The following ADCK1 variants were observed in gnomAD, a reference collection of about 807,000 sequenced individuals.
The protein encoded by ADCK1 is aarF domain-containing protein kinase 1.
A neutral mutation model predicts 52.3 loss-of-function variants in ADCK1; 41 were observed. The ratio of observed to expected loss-of-function variants is 0.78; its 90% confidence interval spans 0.61 to 1.02. ADCK1 has a LOEUF of 1.02. ADCK1 is among the 50% of genes least tolerant of loss of function. ADCK1 has a pLI of 0.00. For synonymous variants in ADCK1, 250 were observed against 274.6 expected, an observed-to-expected ratio of 0.91 and a Z score of 0.89; for missense variants, 658 against 679.5, an observed-to-expected ratio of 0.97 and a Z score of 0.35.
At position 77,853,592 on chromosome 14, in the gene ADCK1, C is replaced by T. The variant is rs750115694; in HGVS notation, c.220-5484C>T. 3.3e-5 allele frequency among the ~76,000 whole-genome samples: 5 copies of T among 152,206 alleles called. No individual in the cohort carries two copies. The South Asian group carries it at 6.2e-4, about 19-fold the overall frequency. On this transcript the variant is annotated intron_variant, in intron 3 of 10. Coordinates refer to ENST00000238561, the MANE Select transcript of ADCK1 (RefSeq NM_020421.4). ...GTTTTGGGATATATGCCATTACTGA[C>T]GCAAGGCCCTTCTGGGTGTTGCCAC...
At chr14:77,816,881 A>AAT (rs71128689) in intron 1 of ADCK1, among the ~76,000 whole-genome samples, 9,892 of 109,920 alleles carry the variant, frequency 0.09, 847 homozygotes, top group Middle Eastern at 0.15. Flanking sequence ...GTAGATGGTA[A>AAT]ATATATATAT....
intron 4 of ADCK1, among the ~76,000 whole-genome samples, chr14:77,867,227 G>C (rs535260072): frequency 2.0e-5 from 3 of 152,230 alleles, no homozygotes; most frequent in East Asian, 3.9e-4. Flanking sequence ...TGCTTCTCCT[G>C]GTCCTGAGCA....
intron 8 of ADCK1, among the ~76,000 whole-genome samples, chr14:77,925,164 C>T (rs1023273571): frequency 6.6e-6 from 1 of 152,356 alleles, no homozygotes; most frequent in Middle Eastern, 3.4e-3. Context: ...TCCCACATCC[C>T]AGAATCTTGG....
chr14:77,805,569 ACT>A (rs2081206505), intron 1 of ADCK1, among the ~76,000 whole-genome samples: 1 of 152,002 alleles, frequency 6.6e-6, no homozygotes, highest in South Asian at 2.1e-4. Flanking sequence ...CCCAAAAATT[ACT>A]CTTATATGGC....
chr14:77,858,591 C>G (rs1044188249), intron 3 of ADCK1, among the ~76,000 whole-genome samples: 1 of 151,980 alleles, frequency 6.6e-6, no homozygotes, highest in Non-Finnish European at 1.5e-5. Context: ...TTAAAGATAC[C>G]AAAACTTGCT....
intron 7 of ADCK1, among the ~76,000 whole-genome samples, chr14:77,917,613 T>C (rs921904555): frequency 3.9e-5 from 6 of 152,192 alleles, no homozygotes; most frequent in African/African-American, 9.6e-5. Context: ...CTGGTTTTTT[T>C]CCCCTCCCTA....
At chr14:77,856,085 C>T (rs978058948) in intron 3 of ADCK1, among the ~76,000 whole-genome samples, 4 of 152,062 alleles carry the variant, frequency 2.6e-5, no homozygotes, top group Non-Finnish European at 5.9e-5. Flanking sequence ...TCGCGGGCCC[C>T]TGTAATCCCA....
chr14:77,827,834 CTT>C (rs33940923), intron 3 of ADCK1: 217 of 388,444 alleles, frequency 5.6e-4, no homozygotes, highest in East Asian at 1.7e-3. Flanking sequence ...TTTTAAAAGG[CTT>C]TTTTTTTTTT....
At chr14:77,910,683 C>G (rs1305229039) in intron 7 of ADCK1, among the ~76,000 whole-genome samples, 2 of 152,178 alleles carry the variant, frequency 1.3e-5, no homozygotes, top group Non-Finnish European at 2.9e-5. Flanking sequence ...TAATCAGAGG[C>G]AACGTTGATT....
At position 77,894,736 on chromosome 14, in the gene ADCK1, GTTTTTTTTTTTT is replaced by G; in HGVS notation, c.583-4347_583-4336del. ...TTATTTCTTTTTCTTTTCTTTTCTT[GTTTTTTTTTTTT>G]TTTTTTTTTTTTTTTTAGATGGAGT... On this transcript the variant is annotated intron_variant, in intron 5 of 10. Transcript: ENST00000238561. Among the ~76,000 whole-genome samples, 79 of 36,478 alleles carry G rather than the reference GTTTTTTTTTTTT, an allele frequency of 2.2e-3. 1 individual carries two copies. In the East Asian group the frequency reaches 0.048, roughly 22 times the overall value. 23.9% of individuals were successfully genotyped at this position (36,478 alleles called of 152,430 possible). A position where few individuals can be genotyped will look rare whatever the true frequency, so the allele number is the denominator to read the frequency against.
chr14:77,848,983 G>A (rs1014039380), intron 3 of ADCK1, among the ~76,000 whole-genome samples: 3 of 151,932 alleles, frequency 2.0e-5, no homozygotes, highest in Middle Eastern at 3.2e-3. Context: ...CCGCTACCAC[G>A]CCCAGCTAAT....
chr14:77,867,734 T>G (rs2082692670), intron 4 of ADCK1, among the ~76,000 whole-genome samples: 1 of 152,212 alleles, frequency 6.6e-6, no homozygotes, highest in African/African-American at 2.4e-5. Flanking sequence ...GCCTGTACCC[T>G]GTCTGTGCCC....
chr14:77,903,387 AGT>A (rs769195012), intron 6 of ADCK1, among the ~76,000 whole-genome samples: 17 of 152,232 alleles, frequency 1.1e-4, no homozygotes, highest in Non-Finnish European at 1.6e-4. Flanking sequence ...TTTACCTCTC[AGT>A]GTGTGAGGCA....
intron 5 of ADCK1, among the ~76,000 whole-genome samples, chr14:77,888,127 A>G (rs1427168939): frequency 6.6e-6 from 1 of 152,118 alleles, no homozygotes; most frequent in Non-Finnish European, 1.5e-5. Flanking sequence ...GCACAGTGCC[A>G]TGTAGCACTG....
intron 7 of ADCK1, among the ~76,000 whole-genome samples, chr14:77,913,171 G>A (rs771899268): frequency 3.9e-5 from 6 of 152,182 alleles, no homozygotes; most frequent in African/African-American, 1.4e-4. Context: ...ATCCAAATCC[G>A]GGGTGGAAAG....
chr14:77,809,477 C>T (rs2081293346), intron 1 of ADCK1, among the ~76,000 whole-genome samples: 1 of 151,800 alleles, frequency 6.6e-6, no homozygotes, highest in Admixed American at 6.6e-5. Context: ...TTACAGACGT[C>T]CACCACCACG....
intron 6 of ADCK1, among the ~76,000 whole-genome samples, chr14:77,904,527 C>T (rs75911191): frequency 3.9e-5 from 6 of 152,348 alleles, no homozygotes; most frequent in African/African-American, 9.6e-5. Context: ...ACAAGCCAGG[C>T]GCAGCCTGTT....
intron 6 of ADCK1, among the ~76,000 whole-genome samples, chr14:77,907,274 A>G (rs2083687881): frequency 6.6e-6 from 1 of 152,194 alleles, no homozygotes; most frequent in South Asian, 2.1e-4. Context: ...TGTTGGGTTA[A>G]TATCCAATGT....
At chr14:77,869,689 G>C (rs558298409) in intron 4 of ADCK1, among the ~76,000 whole-genome samples, 36 of 152,324 alleles carry the variant, frequency 2.4e-4, no homozygotes, top group African/African-American at 8.4e-4. Context: ...CAAAAAAGGA[G>C]ATGTGTTACA....
Sources: allele counts gnomAD v4.1 joint callset (sites outside exome capture counted in the v4.1 genomes callset), GRCh38; gene constraint gnomAD v4.1.1; transcripts MANE v1.5; gene names NCBI Gene and HGNC (gene_info 2026-07-23, HGNC 2026-07-21).